Variants in B4GALT5 observed in about 807,000 individuals in gnomAD.
B4GALT5 encodes the protein UDP-Gal:beta-GlcNAc beta-1,4-galactosyltransferase 5.
In B4GALT5, 11 loss-of-function variants were observed where a neutral mutation model predicts 45.0. The ratio of observed to expected loss-of-function variants is 0.24; its 90% CI spans 0.15 to 0.40. B4GALT5 has a LOEUF of 0.40. Among genes scored for constraint, B4GALT5 ranks in the 10% least tolerant of loss-of-function variants. The pLI, the probability that B4GALT5 is intolerant of heterozygous loss-of-function variation, is 1.00. For missense variants in B4GALT5, 337 were observed against 500.2 expected (o/e 0.67, Z 3.11); for synonymous variants, 185 against 182.9 (o/e 1.01, Z -0.09).
intron 1 of B4GALT5, among the ~76,000 whole-genome samples, chr20:49,662,629 T>C (rs2085669739): frequency 6.6e-6 from 1 of 152,178 alleles, no homozygotes; most frequent in South Asian, 2.1e-4. Flanking sequence ...ATACTGTAAG[T>C]TAACCAGTTT....
rs775319181 is a variant in B4GALT5, at chr20:49,643,574, G to C, written c.441C>G (p.Ile147Met). The C allele has an allele frequency of 1.2e-6, 2 of 1,614,030 alleles. No individual in the cohort carries two copies. Among genetic ancestry groups the C allele is most frequent in the Admixed American group, 1.7e-5 (1 of 60,018 alleles). ...AAGGCTTCCAGTGACCTCCGAGCTTGATGGTTGGGTCTTTGGAGAAGAGTT... is the reference window on the plus strand; with the variant it reads ...AAGGCTTCCAGTGACCTCCGAGCTTCATGGTTGGGTCTTTGGAGAAGAGTT... The part of the protein sequence containing the change: ...IHELFSKDPT[I>M]KLGGHWKPSD... The change falls in exon 4 of 9, where the codon ATC becomes ATG. Residue 147 changes from isoleucine (I) to methionine (M), a missense_variant. Physicochemically the swap from Ile to Met is conservative, Grantham distance 10. This residue lies in a region of B4GALT5 where 174 missense variants were observed against 207.4 expected (regional missense o/e 0.84). Coordinates refer to ENST00000371711, the MANE Select transcript of B4GALT5 (RefSeq NM_004776.4).
intron 1 of B4GALT5, among the ~76,000 whole-genome samples, chr20:49,710,915 CAA>C (rs1204360506): frequency 6.6e-6 from 1 of 151,820 alleles, no homozygotes; most frequent in Non-Finnish European, 1.5e-5. Flanking sequence ...CCTGTCTCTA[CAA>C]AAAACTGTTT....
rs1310429855 is a variant in B4GALT5, at chr20:49,646,962, C to T, written c.364+3G>A. 1 of 1,591,060 alleles carries T rather than the reference C, an allele frequency of 6.3e-7. No individual in the cohort carries two copies. The highest frequency in any genetic ancestry group is 8.6e-7 in the Non-Finnish European group (1 of 1,159,608). ...GAGGAAGACAGGCCAGAGCTGTACT[C>T]ACTCATGGAAGGGAGTCTTTCAGGG... is the stretch of plus-strand genomic sequence containing the variant. On this transcript the variant is annotated splice_donor_region_variant and intron_variant, in intron 3 of 8. Transcript: ENST00000371711.
intron 3 of B4GALT5, among the ~76,000 whole-genome samples, chr20:49,645,630 T>C (rs567387383): frequency 7.9e-5 from 12 of 151,976 alleles, no homozygotes; most frequent in Admixed American, 5.2e-4. Context: ...ATGCCTATAA[T>C]CCCAGCTACT....
intron 1 of B4GALT5, among the ~76,000 whole-genome samples, chr20:49,679,249 A>G (rs1245887615): frequency 6.6e-6 from 1 of 152,184 alleles, no homozygotes; most frequent in Non-Finnish European, 1.5e-5. Context: ...TTTTGACTAA[A>G]AAGGGTTTTT....
intron 1 of B4GALT5, among the ~76,000 whole-genome samples, chr20:49,658,033 T>C (rs1291956213): frequency 1.3e-5 from 2 of 152,014 alleles, no homozygotes; most frequent in South Asian, 4.1e-4. Context: ...CATAAAATAA[T>C]AAGCAAAAAG....
intron 2 of B4GALT5, among the ~76,000 whole-genome samples, chr20:49,653,653 G>A (rs1874175947): frequency 1.3e-5 from 2 of 152,182 alleles, no homozygotes; most frequent in African/African-American, 4.8e-5. Context: ...GCTACCTTCT[G>A]GGTTCTTGTG....
Position 49,713,701 on chromosome 20 carries a change from G to C in B4GALT5, c.-11C>G, listed in dbSNP as rs953191522. The C allele has an allele frequency of 3.7e-6, 5 of 1,368,370 alleles. 1 individual carries two copies. The African/African-American group carries it at 6.2e-5, about 17-fold the overall frequency. 84.8% of individuals were successfully genotyped at this position (1,368,370 alleles called of 1,614,324 possible). A position where few individuals can be genotyped will look rare whatever the true frequency, so the allele number is the denominator to read the frequency against. Reference sequence around the variant, plus strand: ...CCGGCGGGCGCGCATGCTGCAGCCAGGCGGCCGCTAGAGAGCCAGGCCGGG... The same window carrying C: ...CCGGCGGGCGCGCATGCTGCAGCCACGCGGCCGCTAGAGAGCCAGGCCGGG... On this transcript the variant is annotated 5_prime_UTR_variant, in exon 1 of 9. Transcript: ENST00000371711.
At chr20:49,678,873 T>C (rs1188780974) in intron 1 of B4GALT5, among the ~76,000 whole-genome samples, 2 of 152,172 alleles carry the variant, frequency 1.3e-5, no homozygotes, top group African/African-American at 4.8e-5. Context: ...ATAAACATTG[T>C]TAGTGCTGTT....
chr20:49,690,946 T>C (rs1469707214), intron 1 of B4GALT5, among the ~76,000 whole-genome samples: 1 of 152,162 alleles, frequency 6.6e-6, no homozygotes, highest in Non-Finnish European at 1.5e-5. Context: ...AATGGATTGC[T>C]GCCTCTACTG....
intron 7 of B4GALT5, among the ~76,000 whole-genome samples, chr20:49,638,273 C>G (rs552661824): frequency 6.6e-6 from 1 of 152,232 alleles, no homozygotes; most frequent in Admixed American, 6.5e-5. Context: ...AAGCCTAGGC[C>G]TTGTGAAGAG....
At chr20:49,643,110 C>A (rs965425278) in intron 4 of B4GALT5, among the ~76,000 whole-genome samples, 3 of 152,234 alleles carry the variant, frequency 2.0e-5, no homozygotes. Flanking sequence ...CTACTGATGT[C>A]TTCTGACTAT....
intron 1 of B4GALT5, among the ~76,000 whole-genome samples, chr20:49,713,119 C>A (rs539670587): frequency 1.3e-5 from 2 of 151,430 alleles, no homozygotes; most frequent in Non-Finnish European, 2.9e-5. Flanking sequence ...CGGCCTGGGA[C>A]CCGGGCACAT....
chr20:49,694,718 T>C (rs6125720), intron 1 of B4GALT5, among the ~76,000 whole-genome samples: 2,420 of 144,282 alleles, frequency 0.017, 37 homozygotes, highest in East Asian at 0.09. Context: ...AAGTTTGCTC[T>C]AACACAACTG....
chr20:49,674,861 A>G (rs556985910), intron 1 of B4GALT5, among the ~76,000 whole-genome samples: 2 of 152,160 alleles, frequency 1.3e-5, no homozygotes, highest in Non-Finnish European at 2.9e-5. Context: ...TATGACTCAG[A>G]AAAGTCCATA....
At chr20:49,675,848 A>T (rs2085734943) in intron 1 of B4GALT5, among the ~76,000 whole-genome samples, 1 of 152,214 alleles carries the variant, frequency 6.6e-6, no homozygotes, top group Admixed American at 6.5e-5. Flanking sequence ...AAAGGAGCAG[A>T]ATTTTCAACT....
intron 1 of B4GALT5, among the ~76,000 whole-genome samples, chr20:49,663,823 G>A (rs958622107): frequency 2.7e-5 from 4 of 150,392 alleles, no homozygotes; most frequent in African/African-American, 4.9e-5. Flanking sequence ...AAAGTACTCC[G>A]ATACATTCTT....
intron 1 of B4GALT5, among the ~76,000 whole-genome samples, chr20:49,680,933 T>C (rs2085761408): frequency 1.3e-5 from 2 of 152,064 alleles, no homozygotes; most frequent in Non-Finnish European, 2.9e-5. Context: ...TTAAAAAAAC[T>C]GTACATAAAA....
intron 1 of B4GALT5, among the ~76,000 whole-genome samples, chr20:49,707,033 C>T (rs1281793432): frequency 6.6e-6 from 1 of 152,144 alleles, no homozygotes; most frequent in Admixed American, 6.6e-5. Flanking sequence ...CTCCCACTGG[C>T]CTGTTCAGCT....
Sources: gnomAD v4.1 joint callset for allele counts (sites outside exome capture counted in the v4.1 genomes callset) on GRCh38, gnomAD v4.1.1 for gene constraint, gnomAD v4.1.1 regional missense constraint, MANE v1.5 for transcripts, NCBI Gene and HGNC (gene_info 2026-07-23, HGNC 2026-07-21) for gene names.